FRAS1: variants seen among roughly 807,000 people sequenced by gnomAD.
The protein encoded by FRAS1 is Fraser extracellular matrix complex subunit 1, also known as extracellular matrix organizing protein FRAS1.
A neutral mutation model predicts 435.2 loss-of-function variants in FRAS1; 290 were observed. That is an observed-to-expected ratio of 0.67 (90% CI 0.61 to 0.73). The LOEUF (loss-of-function observed/expected upper bound fraction) is 0.73, where lower values mean the gene tolerates loss of function less well. Among genes scored for constraint, FRAS1 ranks in the 30% least tolerant of loss-of-function variants. FRAS1 has a pLI of 0.00. For missense variants in FRAS1, 4,860 were observed against 5,001.5 expected (o/e 0.97, Z 0.85); for synonymous variants, 1,800 against 1,851.0 (o/e 0.97, Z 0.71).
At chr4:78,452,123 GA>G in intron 46 of FRAS1, 51 bp from the exon 47 acceptor site, 1 of 1,576,064 alleles carries the variant, frequency 6.3e-7, no homozygotes, top group Non-Finnish European at 8.7e-7. Flanking sequence ...TAGAATTAAA[GA>G]AAGGAGGCTG....
At chr4:78,284,743 C>T (rs994387544) in intron 13 of FRAS1, among the ~76,000 whole-genome samples, 195 bp downstream of exon 13, 1 of 152,158 alleles carries the variant, frequency 6.6e-6, no homozygotes, top group African/African-American at 2.4e-5. Flanking sequence ...TCTCTACCTG[C>T]AGGTCTTTTT....
intron 2 of FRAS1, among the ~76,000 whole-genome samples, chr4:78,126,077 A>G (rs112399374): frequency 0.063 from 9,537 of 152,192 alleles, 813 homozygotes; most frequent in African/African-American, 0.19. Context: ...CACTGTGAGC[A>G]TAGAACTGCC....
chr4:78,517,699 A>G (rs1432812719), intron 66 of FRAS1, among the ~76,000 whole-genome samples: 1 of 152,276 alleles, frequency 6.6e-6, no homozygotes, highest in East Asian at 1.9e-4. Flanking sequence ...TGCCTTGCAC[A>G]GTGTGCCTGG....
At chr4:78,163,428 C>T (rs928396329) in intron 2 of FRAS1, among the ~76,000 whole-genome samples, 4 of 152,064 alleles carry the variant, frequency 2.6e-5, no homozygotes, top group South Asian at 2.1e-4. Flanking sequence ...CACATATTCT[C>T]GGGACCAGTT....
chr4:78,156,294 T>C (rs1720879118), intron 2 of FRAS1, among the ~76,000 whole-genome samples: 1 of 152,140 alleles, frequency 6.6e-6, no homozygotes, highest in Admixed American at 6.6e-5. Context: ...TATCTGAACA[T>C]GTGTGCTCTT....
At chr4:78,166,441 C>T (rs1721334108) in intron 2 of FRAS1, among the ~76,000 whole-genome samples, 1 of 151,982 alleles carries the variant, frequency 6.6e-6, no homozygotes, top group South Asian at 2.1e-4. Flanking sequence ...TCTTTTTGGT[C>T]ATCCTTATAT....
intron 47 of FRAS1, among the ~76,000 whole-genome samples, chr4:78,459,837 T>C (rs1250332033): frequency 4.6e-5 from 7 of 152,194 alleles, no homozygotes; most frequent in Admixed American, 3.9e-4. Flanking sequence ...GTTCATGTGG[T>C]GTTCTCCCTG....
rs185542279 is a variant in FRAS1 at position 78,127,124 on chromosome 4, A to G, written c.108+61108A>G. 7.5e-4 allele frequency among the ~76,000 whole-genome samples: 114 copies of G among 152,006 alleles called. 1 individual carries two copies. The East Asian group carries it at 0.02, about 27-fold the overall frequency. ...AATCTTAATAATGGAGACATGATTC[A>G]AAAAACAATTATTAAAGACAATGGG... is the stretch of plus-strand genomic sequence containing the variant. On this transcript the variant is annotated intron_variant, in intron 2 of 73. Coordinates refer to ENST00000512123, the MANE Select transcript of FRAS1 (RefSeq NM_025074.7).
chr4:78,156,156 G>C (rs748165956), intron 2 of FRAS1, among the ~76,000 whole-genome samples: 11 of 152,212 alleles, frequency 7.2e-5, no homozygotes, highest in African/African-American at 2.6e-4. Context: ...TTCAAAGGGC[G>C]GAGGTGCAAG....
intron 7 of FRAS1, among the ~76,000 whole-genome samples, chr4:78,265,494 C>T (rs574960519): frequency 6.6e-6 from 1 of 152,286 alleles, no homozygotes; most frequent in South Asian, 2.1e-4. Flanking sequence ...TCCCCTCACA[C>T]CCCTGCCATC....
chr4:78,469,952 G>T, intron 50 of FRAS1, 26 bp from the exon 51 acceptor site: 1 of 1,557,220 alleles, frequency 6.4e-7, no homozygotes, highest in Non-Finnish European at 8.8e-7. Context: ...TGAATGATGA[G>T]TTTTCTTTTC....
At chr4:78,301,197 A>C (rs531637217) in intron 14 of FRAS1, among the ~76,000 whole-genome samples, 14 of 152,328 alleles carry the variant, frequency 9.2e-5, no homozygotes, top group Admixed American at 8.5e-4. Context: ...TTTGGTCAGA[A>C]TCAATGCCTC....
intron 2 of FRAS1, among the ~76,000 whole-genome samples, chr4:78,225,500 A>G (rs376551277): frequency 6.6e-5 from 10 of 152,052 alleles, no homozygotes; most frequent in African/African-American, 1.9e-4. Context: ...CTCTTTTTCT[A>G]TAGTATGTTC....
chr4:78,455,231 G>A (rs1192858910), intron 47 of FRAS1, among the ~76,000 whole-genome samples: 2 of 151,592 alleles, frequency 1.3e-5, no homozygotes, highest in East Asian at 1.9e-4. Context: ...CTACCTCCCC[G>A]GCTCTACTAA....
rs1718793156 is a variant in FRAS1 at position 78,445,624 on chromosome 4, G to A, written c.5768G>A (p.Ser1923Asn). Residue 1923 changes from serine to asparagine, a missense_variant, in exon 42 of 74, where the codon AGC becomes AAC. Transcript: ENST00000512123. Reference sequence around the variant, plus strand: ...TACTACTTTCAGAGTGTTCATGAAAGCATTGAGCCAACCCATGATATTTTT... The same window carrying A: ...TACTACTTTCAGAGTGTTCATGAAAACATTGAGCCAACCCATGATATTTTT... ...YIYYFQSVHE[S>N]IEPTHDIFSF... The A allele has an allele frequency of 1.9e-6, 3 of 1,613,762 alleles. No individual in the cohort carries two copies. Among genetic ancestry groups the A allele is most frequent in the South Asian group, 2.2e-5 (2 of 91,068 alleles).
intron 29 of FRAS1, among the ~76,000 whole-genome samples, chr4:78,394,272 C>CA (rs1732563809): frequency 1.3e-5 from 2 of 151,814 alleles, no homozygotes; most frequent in South Asian, 4.2e-4. Context: ...ATGCCATATC[C>CA]AAAAAATAGT....
chr4:78,188,944 G>A (rs763275848), intron 2 of FRAS1, among the ~76,000 whole-genome samples: 1 of 152,166 alleles, frequency 6.6e-6, no homozygotes, highest in Non-Finnish European at 1.5e-5. Context: ...CTCAAAGTAT[G>A]TGCCCTACAG....
At chr4:78,374,279 G>C (rs757514568) in intron 25 of FRAS1, 28 bp downstream of exon 25, 1 of 1,547,474 alleles carries the variant, frequency 6.5e-7, no homozygotes, top group Admixed American at 1.7e-5. Flanking sequence ...GATTATTCTG[G>C]AAAGAAGTGA....
At chr4:78,266,110 G>A (rs1166448989) in intron 7 of FRAS1, among the ~76,000 whole-genome samples, 1 of 152,192 alleles carries the variant, frequency 6.6e-6, no homozygotes, top group East Asian at 1.9e-4. Context: ...TGCCTAAAAT[G>A]CTAACATTAA....
Sources: allele counts gnomAD v4.1 joint callset (sites outside exome capture counted in the v4.1 genomes callset), GRCh38; gene constraint gnomAD v4.1.1; transcripts MANE v1.5; gene names NCBI Gene and HGNC (gene_info 2026-07-23, HGNC 2026-07-21).